CDC73: variants seen among roughly 807,000 people sequenced by gnomAD.
CDC73 encodes cell division cycle 73.
In CDC73, 21 loss-of-function variants were observed where a neutral mutation model predicts 83.7. That is an observed-to-expected ratio of 0.25 (90% confidence interval 0.18 to 0.36). The LOEUF is 0.36. CDC73 is among the 10% of genes least tolerant of loss of function. CDC73 has a pLI of 1.00. For synonymous variants in CDC73, 224 were observed against 212.9 expected, an observed-to-expected ratio of 1.05 and a Z score of -0.45; for missense variants, 342 against 653.3, an observed-to-expected ratio of 0.52 and a Z score of 5.19.
rs556513642 is a variant in CDC73 at position 193,223,977 on chromosome 1, C to T, written c.1155-9016C>T. 1.1e-4 allele frequency among the ~76,000 whole-genome samples: 16 copies of T among 151,180 alleles called. No homozygotes were observed. In the South Asian group the frequency reaches 2.3e-3, roughly 22 times the overall value. ...TCAGGGTAATTAAGATATATATTAC[C>T]TTAAACATTTATCTTTATGTTGGAA... On this transcript the variant is annotated intron_variant, in intron 13 of 16. Transcript: ENST00000367435.
intron 15 of CDC73, among the ~76,000 whole-genome samples, chr1:193,239,605 A>T (rs988826771): frequency 4.6e-5 from 7 of 151,744 alleles, no homozygotes; most frequent in African/African-American, 1.7e-4. Context: ...GACATTTAAA[A>T]TTTTTTTTTG....
chr1:193,178,265 A>G (rs1051025997), intron 10 of CDC73, among the ~76,000 whole-genome samples: 3 of 152,140 alleles, frequency 2.0e-5, no homozygotes, highest in East Asian at 3.8e-4. Context: ...TCAGATTACT[A>G]TCGTTTTTCA....
At chr1:193,168,246 G>A (rs939507176) in intron 10 of CDC73, among the ~76,000 whole-genome samples, 1 of 152,104 alleles carries the variant, frequency 6.6e-6, no homozygotes. Context: ...ATAAAATTCA[G>A]ATGTCCTTAT....
chr1:193,197,667 T>G (rs1677023833), intron 10 of CDC73, among the ~76,000 whole-genome samples: 1 of 152,134 alleles, frequency 6.6e-6, no homozygotes, highest in African/African-American at 2.4e-5. Context: ...GGCTCGTGCC[T>G]GTAATCCCAG....
At chr1:193,235,878 A>T (rs1677749149) in intron 14 of CDC73, among the ~76,000 whole-genome samples, 1 of 152,208 alleles carries the variant, frequency 6.6e-6, no homozygotes, top group South Asian at 2.1e-4. Flanking sequence ...ATGATTTTTT[A>T]AACAACTTTT....
chr1:193,179,971 T>C (rs1558300605), intron 10 of CDC73: 2 of 174,306 alleles, frequency 1.1e-5, no homozygotes, highest in Non-Finnish European at 2.4e-5. Flanking sequence ...TGAATTAAAA[T>C]TTATGTGGAA....
chr1:193,170,180 T>G (rs1303750714), intron 10 of CDC73, among the ~76,000 whole-genome samples: 2 of 152,252 alleles, frequency 1.3e-5, no homozygotes, highest in Non-Finnish European at 2.9e-5. Context: ...AACATTTTCT[T>G]TATCCAGTCT....
intron 7 of CDC73, among the ~76,000 whole-genome samples, chr1:193,144,448 TA>T (rs1365320418): frequency 6.6e-6 from 1 of 152,022 alleles, no homozygotes. Flanking sequence ...TATTTTCAAC[TA>T]TTTTTTATAA....
intron 13 of CDC73, among the ~76,000 whole-genome samples, chr1:193,226,951 T>G (rs1053813877): frequency 6.6e-6 from 1 of 152,016 alleles, no homozygotes; most frequent in Non-Finnish European, 1.5e-5. Context: ...GGTTCTGAAC[T>G]TTTTTTTGTT....
chr1:193,251,861 A>G lies in CDC73; in HGVS notation c.*1149A>G, dbSNP rs1678048687. The G allele has an allele frequency of 4.3e-6, 1 of 230,018 alleles. No homozygotes were observed. Among genetic ancestry groups the G allele is most frequent in the Non-Finnish European group, 8.6e-6 (1 of 116,574 alleles). 14.2% of individuals were successfully genotyped at this position (230,018 alleles called of 1,614,324 possible). On this transcript the variant is annotated 3_prime_UTR_variant, in exon 17 of 17. Transcript: ENST00000367435. ...TTCACTTTGTTTTTTTTTTTTCCTT[A>G]AAGGCAACTAGGAAGCTTTACTTTC...
At chr1:193,227,687 T>C (rs116739858) in intron 13 of CDC73, among the ~76,000 whole-genome samples, 1,840 of 152,320 alleles carry the variant, frequency 0.012, 18 homozygotes, top group South Asian at 0.034. Context: ...CATAGAGATG[T>C]ATTTAAAGTT....
intron 9 of CDC73, among the ~76,000 whole-genome samples, chr1:193,150,972 A>AT (rs1572160706): frequency 6.6e-6 from 1 of 152,176 alleles, no homozygotes; most frequent in African/African-American, 2.4e-5. Context: ...ATGTTAAGTC[A>AT]TTTTTCCCAA....
chr1:193,242,920 A>G (rs1002640468), intron 15 of CDC73, among the ~76,000 whole-genome samples: 3 of 152,046 alleles, frequency 2.0e-5, no homozygotes, highest in Non-Finnish European at 4.4e-5. Context: ...GCTTCTTACA[A>G]AAGAACTTTA....
At chr1:193,144,895 A>G (rs1675969625) in intron 7 of CDC73, among the ~76,000 whole-genome samples, 1 of 152,034 alleles carries the variant, frequency 6.6e-6, no homozygotes, top group Non-Finnish European at 1.5e-5. Context: ...TGCCAATGAT[A>G]AAATGACAGC....
rs1010524103 is a variant in CDC73, at chr1:193,251,466, G to T, written c.*754G>T. 6.5e-5 allele frequency: 15 copies of T among 231,890 alleles called. No individual in the cohort carries two copies. Among genetic ancestry groups the T allele is most frequent in the Non-Finnish European group, 1.0e-4 (12 of 116,960 alleles). The allele number at this position is 231,890 out of a possible 1,614,324, so 14.4% of individuals were successfully genotyped here. ...TTTTTTATTTTGGGAGCCAGAGTAT[G>T]ATTTGGGGGAAGAATATGTATCAGC... On this transcript the variant is annotated 3_prime_UTR_variant, in exon 17 of 17. Coordinates refer to ENST00000367435, the MANE Select transcript of CDC73 (RefSeq NM_024529.5).
intron 1 of CDC73, among the ~76,000 whole-genome samples, chr1:193,124,430 G>A (rs1675526587): frequency 6.6e-6 from 1 of 152,190 alleles, no homozygotes; most frequent in East Asian, 1.9e-4. Flanking sequence ...AGAAAAGTAG[G>A]TTTAGGGCTG....
chr1:193,177,374 A>AAAAAAG (rs1676625064), intron 10 of CDC73, among the ~76,000 whole-genome samples: 1 of 148,544 alleles, frequency 6.7e-6, no homozygotes, highest in Non-Finnish European at 1.5e-5. Context: ...AAAAAAAAAA[A>AAAAAAG]AAAAAATCAG....
chr1:193,166,784 A>G (rs1036815260), intron 10 of CDC73, among the ~76,000 whole-genome samples: 1 of 151,852 alleles, frequency 6.6e-6, no homozygotes, highest in African/African-American at 2.4e-5. Flanking sequence ...AGTAGCTGGG[A>G]TTACAGTTAT....
intron 10 of CDC73, among the ~76,000 whole-genome samples, chr1:193,155,129 A>T (rs1676184419): frequency 6.6e-6 from 1 of 152,208 alleles, no homozygotes; most frequent in South Asian, 2.1e-4. Context: ...TTTTATACAG[A>T]TAATTTCCTA....
Sources: gnomAD v4.1 joint callset for allele counts (sites outside exome capture counted in the v4.1 genomes callset) on GRCh38, gnomAD v4.1.1 for gene constraint, MANE v1.5 for transcripts, NCBI Gene and HGNC (gene_info 2026-07-23, HGNC 2026-07-21) for gene names.